The following GLI3 variants were observed in gnomAD, a reference collection of about 807,000 sequenced individuals.
GLI3 encodes the protein GLI family zinc finger 3.
In GLI3, 20 loss-of-function variants were observed where a neutral mutation model predicts 100.8. The observed-to-expected ratio is 0.20, with a 90% CI of 0.14 to 0.29. GLI3 has a LOEUF of 0.29. Ranked by LOEUF, GLI3 falls within the 10% of genes least tolerant of loss-of-function variation. The pLI is 1.00. For synonymous variants in GLI3, 938 were observed against 860.5 expected (o/e 1.09, Z -1.58); for missense variants, 2,040 against 2,128.5 (o/e 0.96, Z 0.82).
chr7:42,178,305 A>G (rs1424176372), intron 2 of GLI3, among the ~76,000 whole-genome samples: 1 of 152,222 alleles, frequency 6.6e-6, no homozygotes, highest in African/African-American at 2.4e-5. Flanking sequence ...CCATCATATC[A>G]GTAAGGCAAA....
In GLI3 at chr7:42,233,372, A is replaced by T. The variant is rs1788731151; in HGVS notation, c.-43+3599T>A. 3.3e-5 allele frequency among the ~76,000 whole-genome samples: 5 copies of T among 152,332 alleles called. No individual in the cohort carries two copies. The South Asian group carries it at 1.0e-3, about 32-fold the overall frequency. On this transcript the variant is annotated intron_variant, in intron 1 of 14. Coordinates refer to ENST00000395925, the MANE Select transcript of GLI3 (RefSeq NM_000168.6). ...CTGCAAACTGTGAGAGTCTACAGTG[A>T]TTTCAGCAAGATCTGAGGCATGCCC...
chr7:41,968,758 AAGAAG>A (rs1233672473), intron 13 of GLI3, among the ~76,000 whole-genome samples: 3 of 101,642 alleles, frequency 3.0e-5, no homozygotes, highest in African/African-American at 3.6e-5. Flanking sequence ...GAAAGAAAGA[AAGAAG>A]GAAAGAAAGA....
Position 42,210,022 on chromosome 7 carries a change from G to A in GLI3, c.124+13108C>T, listed in dbSNP as rs1183657649. ...AAAAAAAAAAAAAAAAAAGGGCATA[G>A]GCCCATGTCCATAAAGTGCCATGTA... On this transcript the variant is annotated intron_variant, in intron 2 of 14. Coordinates refer to ENST00000395925, the MANE Select transcript of GLI3 (RefSeq NM_000168.6). Among the ~76,000 whole-genome samples, 10 of 133,028 alleles carry A rather than the reference G, an allele frequency of 7.5e-5. No homozygotes were observed. The East Asian group carries it at 2.4e-3, about 32-fold the overall frequency. The allele number at this position is 133,028 out of a possible 152,430, so 87.3% of individuals were successfully genotyped here.
At chr7:42,025,196 G>C in intron 9 of GLI3, 68 bp downstream of exon 9, 2 of 1,002,426 alleles carry the variant, frequency 2.0e-6, no homozygotes, top group Admixed American at 1.7e-5. Context: ...GGGAGGAAGC[G>C]GGAGCTGACC....
At chr7:42,010,796 A>C (rs561396268) in intron 10 of GLI3, among the ~76,000 whole-genome samples, 26 of 152,362 alleles carry the variant, frequency 1.7e-4, no homozygotes, top group African/African-American at 6.3e-4. Flanking sequence ...CTGATTAATC[A>C]GTAGCAAACC....
chr7:41,997,336 T>C lies in GLI3; in HGVS notation c.1498-18588A>G, dbSNP rs533725872. Among the ~76,000 whole-genome samples the C allele has an allele frequency of 2.6e-5, 4 of 152,264 alleles. No homozygotes were observed. In the East Asian group the frequency reaches 7.7e-4, roughly 29 times the overall value. ...TTTACAACACCCTTAAAAGTCACTATGTGGTGGCTGGACTTTACCAACTTT... is the reference window on the plus strand; with the variant it reads ...TTTACAACACCCTTAAAAGTCACTACGTGGTGGCTGGACTTTACCAACTTT... On this transcript the variant is annotated intron_variant, in intron 10 of 14. Coordinates refer to ENST00000395925, the MANE Select transcript of GLI3 (RefSeq NM_000168.6).
intron 2 of GLI3, among the ~76,000 whole-genome samples, chr7:42,175,130 T>C (rs1400875087): frequency 6.6e-6 from 1 of 152,128 alleles, no homozygotes; most frequent in African/African-American, 2.4e-5. Context: ...ACCACCTATG[T>C]GGTACTTGGT....
chr7:42,144,260 G>A (rs550661446), intron 3 of GLI3, among the ~76,000 whole-genome samples: 39 of 152,222 alleles, frequency 2.6e-4, no homozygotes, highest in South Asian at 1.2e-3. Flanking sequence ...GCAGAGGATG[G>A]GGCTTCTTAC....
chr7:42,130,452 C>T lies in GLI3; in HGVS notation c.367+17774G>A, dbSNP rs550049031. ...AAGCATTACATACAAAAGGCAAGAG[C>T]AAGATGTTAAGAAGAAGTTTCAATA... On this transcript the variant is annotated intron_variant, in intron 3 of 14. Transcript: ENST00000395925. Among the ~76,000 whole-genome samples the T allele has an allele frequency of 3.9e-5, 6 of 152,216 alleles. No individual in the cohort carries two copies. The East Asian group carries it at 7.7e-4, about 20-fold the overall frequency.
At chr7:41,981,972 C>T (rs574412983) in intron 10 of GLI3, among the ~76,000 whole-genome samples, 1 of 152,202 alleles carries the variant, frequency 6.6e-6, no homozygotes, top group South Asian at 2.1e-4. Flanking sequence ...GCATGAACAC[C>T]CTTGCTGTTG....
chr7:42,111,661 C>A (rs536474417), intron 3 of GLI3, among the ~76,000 whole-genome samples: 1 of 152,150 alleles, frequency 6.6e-6, no homozygotes, highest in African/African-American at 2.4e-5. Context: ...TGAGACACAG[C>A]AACAAGAAAT....
chr7:42,047,950 C>T (rs763964607), intron 5 of GLI3, among the ~76,000 whole-genome samples: 3 of 152,208 alleles, frequency 2.0e-5, no homozygotes, highest in Non-Finnish European at 4.4e-5. Context: ...CACCTGATCC[C>T]ACCTGATGCA....
chr7:42,111,937 T>C (rs969888124), intron 3 of GLI3, among the ~76,000 whole-genome samples: 6 of 152,130 alleles, frequency 3.9e-5, no homozygotes, highest in East Asian at 3.9e-4. Context: ...ACCCTAGTGC[T>C]TAGCTCCAGG....
chr7:42,174,030 T>C (rs773507334), intron 2 of GLI3, among the ~76,000 whole-genome samples: 8 of 152,334 alleles, frequency 5.3e-5, no homozygotes, highest in Non-Finnish European at 1.0e-4. Flanking sequence ...GGAAAGCAGA[T>C]AGCTGGTGAT....
rs1392972300 is a variant in GLI3 at position 41,961,044 on chromosome 7, C to T, written c.*3286G>A. The stretch of plus-strand genomic sequence containing the variant: ...TGGTTCTGAAAGCAAAGGTAGAGTT[C>T]ATCTGTGGCTGGGCTGCAGCCCCTG... On this transcript the variant is annotated 3_prime_UTR_variant, in exon 15 of 15. Transcript: ENST00000395925. 1 of 152,474 alleles carries T rather than the reference C, an allele frequency of 6.6e-6. No individual in the cohort carries two copies. Among genetic ancestry groups the T allele is most frequent in the Non-Finnish European group, 1.5e-5 (1 of 68,020 alleles). 9.4% of individuals were successfully genotyped at this position (152,474 alleles called of 1,614,324 possible).
At chr7:42,246,878 G>A (rs775175933) in intron 1 of GLI3, among the ~76,000 whole-genome samples, 6 of 126,538 alleles carry the variant, frequency 4.7e-5, no homozygotes, top group Non-Finnish European at 9.4e-5. Flanking sequence ...AAAAAAGTCT[G>A]TGAAATCCTT....
At chr7:42,158,342 G>A (rs1787052162) in intron 2 of GLI3, among the ~76,000 whole-genome samples, 1 of 152,192 alleles carries the variant, frequency 6.6e-6, no homozygotes, top group Non-Finnish European at 1.5e-5. Flanking sequence ...TTAAGCGACT[G>A]GCTTAAAGTC....
chr7:42,177,885 T>C (rs1343409762), intron 2 of GLI3, among the ~76,000 whole-genome samples: 2 of 152,168 alleles, frequency 1.3e-5, no homozygotes, highest in Admixed American at 6.5e-5. Flanking sequence ...TGGAGAGGCT[T>C]TGCTAGGGGC....
chr7:42,013,601 A>C (rs996086755), intron 10 of GLI3, among the ~76,000 whole-genome samples: 1 of 151,982 alleles, frequency 6.6e-6, no homozygotes, highest in African/African-American at 2.4e-5. Flanking sequence ...TTGAACTCCT[A>C]AGTTCAAGTG....
Sources: gnomAD v4.1 joint callset for allele counts (sites outside exome capture counted in the v4.1 genomes callset) on GRCh38, gnomAD v4.1.1 for gene constraint, MANE v1.5 for transcripts, NCBI Gene and HGNC (gene_info 2026-07-23, HGNC 2026-07-21) for gene names.